The following COLEC11 variants were observed in gnomAD, a reference collection of about 807,000 sequenced individuals.
COLEC11 encodes collectin-11.
A neutral mutation model predicts 27.3 loss-of-function variants in COLEC11; 20 were observed. That is an observed-to-expected ratio of 0.73 (90% CI 0.51 to 1.06). COLEC11 has a LOEUF of 1.06. COLEC11 is among the 50% of genes least tolerant of loss of function. The pLI, the probability that COLEC11 is intolerant of heterozygous loss-of-function variation, is 0.00. For synonymous variants in COLEC11, 163 were observed against 154.7 expected, an observed-to-expected ratio of 1.05 and a Z score of -0.40; for missense variants, 310 against 383.0, an observed-to-expected ratio of 0.81 and a Z score of 1.59.
At chr2:3,638,174 T>A (rs1427708628) in intron 4 of COLEC11, among the ~76,000 whole-genome samples, 2 of 152,218 alleles carry the variant, frequency 1.3e-5, no homozygotes, top group Non-Finnish European at 2.9e-5. Context: ...GGCGGGCAGA[T>A]CAGCTGCGCC....
chr2:3,640,011 T>G (rs1173971080), intron 4 of COLEC11, among the ~76,000 whole-genome samples: 1 of 152,182 alleles, frequency 6.6e-6, no homozygotes, highest in African/African-American at 2.4e-5. Context: ...TGCAGAGTGT[T>G]CTATCAGATA....
chr2:3,643,650 C>T (rs1435935168), intron 6 of COLEC11, 77 bp from the exon 7 acceptor site: 1 of 1,607,738 alleles, frequency 6.2e-7, no homozygotes, highest in African/African-American at 1.3e-5. Context: ...CCTGCCGGCC[C>T]CTGCTGCCTG....
chr2:3,614,502 G>A (rs946464858), intron 3 of COLEC11, among the ~76,000 whole-genome samples: 4 of 151,896 alleles, frequency 2.6e-5, no homozygotes, highest in East Asian at 1.9e-4. Context: ...GCCCTCGCCC[G>A]TACCCCTCAT....
At chr2:3,610,730 G>A (rs1333580424) in intron 2 of COLEC11, among the ~76,000 whole-genome samples, 1 of 152,112 alleles carries the variant, frequency 6.6e-6, no homozygotes, top group Non-Finnish European at 1.5e-5. Context: ...TTCTTACTCT[G>A]TGCCTGGCTA....
intron 1 of COLEC11, among the ~76,000 whole-genome samples, chr2:3,601,607 T>C (rs971039969): frequency 6.6e-6 from 1 of 152,184 alleles, no homozygotes; most frequent in Non-Finnish European, 1.5e-5. Context: ...TTATAGTACC[T>C]TTTTTCCCCC....
chr2:3,596,183 C>T (rs1460587850), intron 1 of COLEC11, among the ~76,000 whole-genome samples: 1 of 151,990 alleles, frequency 6.6e-6, no homozygotes, highest in Non-Finnish European at 1.5e-5. Context: ...GGGCAGTCCC[C>T]AGTGAGAGGA....
chr2:3,629,564 G>A (rs577425288), intron 3 of COLEC11, among the ~76,000 whole-genome samples: 1 of 152,358 alleles, frequency 6.6e-6, no homozygotes, highest in Admixed American at 6.5e-5. Flanking sequence ...ATGTATATAT[G>A]TGCATGCATG....
At chr2:3,610,453 G>T (rs144916856) in intron 2 of COLEC11, among the ~76,000 whole-genome samples, 2 of 152,190 alleles carry the variant, frequency 1.3e-5, no homozygotes, top group African/African-American at 4.8e-5. Flanking sequence ...TTCAGCCAGT[G>T]GGAGAAAGAG....
chr2:3,639,892 T>TCTTGGATTAGATGAGCTCTCAGG (rs1249898292), intron 4 of COLEC11, among the ~76,000 whole-genome samples: 1 of 152,184 alleles, frequency 6.6e-6, no homozygotes, highest in Non-Finnish European at 1.5e-5. Context: ...TGCGTGGCGC[T>TCTTGGATTAGATGAGCTCTCAGG]CCCATCATGC....
At chr2:3,640,012 C>A (rs147316942) in intron 4 of COLEC11, among the ~76,000 whole-genome samples, 11 of 152,294 alleles carry the variant, frequency 7.2e-5, no homozygotes, top group African/African-American at 2.6e-4. Flanking sequence ...GCAGAGTGTT[C>A]TATCAGATAT....
At position 3,644,225 on chromosome 2, in the gene COLEC11, G is replaced by A; in HGVS notation, c.*107G>A. ...CCAGGGAGCTGTCCCTCTGTGAAGG[G>A]TGGAGGCTCACTGAGTAGAGGGCTG... is the stretch of plus-strand genomic sequence containing the variant. On this transcript the variant is annotated 3_prime_UTR_variant, in exon 7 of 7. Transcript: ENST00000349077. 2 of 1,417,460 alleles carry A rather than the reference G, an allele frequency of 1.4e-6. No individual in the cohort carries two copies. Among genetic ancestry groups the A allele is most frequent in the Non-Finnish European group, 2.0e-6 (2 of 1,020,302 alleles). 87.8% of individuals were successfully genotyped at this position (1,417,460 alleles called of 1,614,324 possible). A position where few individuals can be genotyped will look rare whatever the true frequency, so the allele number is the denominator to read the frequency against.
chr2:3,631,432 A>C (rs1344350965), intron 3 of COLEC11, among the ~76,000 whole-genome samples: 2 of 152,130 alleles, frequency 1.3e-5, no homozygotes, highest in African/African-American at 4.8e-5. Context: ...CAAAGTTGGC[A>C]CTGGCTCATC....
chr2:3,626,173 C>T, intron 3 of COLEC11: 1 of 1,166,096 alleles, frequency 8.6e-7, no homozygotes. Context: ...TTCCCATGGC[C>T]ACATGGCTTG....
At chr2:3,610,703 C>A (rs1663120314) in intron 2 of COLEC11, among the ~76,000 whole-genome samples, 1 of 152,180 alleles carries the variant, frequency 6.6e-6, no homozygotes, top group Admixed American at 6.5e-5. Flanking sequence ...CACCTGCTGA[C>A]CCTGTCCTCA....
chr2:3,642,210 G>A (rs574115791), intron 5 of COLEC11, among the ~76,000 whole-genome samples: 16 of 152,220 alleles, frequency 1.1e-4, no homozygotes, highest in Non-Finnish European at 2.2e-4. Context: ...ACAGATACTC[G>A]ATTTTGGAGC....
rs759227834 is a variant in COLEC11 at position 3,602,915 on chromosome 2, CTCTGTCTGTCTCTG to C, written c.-26-1388_-26-1375del. 3.3e-5 allele frequency among the ~76,000 whole-genome samples: 5 copies of C among 152,184 alleles called. No homozygotes were observed. The highest frequency in any genetic ancestry group is 6.5e-5 in the Admixed American group (1 of 15,282). On this transcript the variant is annotated intron_variant, in intron 1 of 6. Transcript: ENST00000349077. This position sits in a 1 kb window ranked among gnomAD's most constrained non-coding sequence, Gnocchi z 6.2. ...TCTTCCCCACGGCGCTTACCCCTGC[CTCTGTCTGTCTCTG>C]TCTGTCTGTCTGTCTGTCTCTTCCA...
intron 3 of COLEC11, among the ~76,000 whole-genome samples, chr2:3,619,842 TC>T (rs1262966099): frequency 9.8e-5 from 15 of 152,298 alleles, no homozygotes; most frequent in African/African-American, 3.4e-4. Flanking sequence ...GCCAGGCTGG[TC>T]TTGAAATCCT....
intron 6 of COLEC11, 25 bp downstream of exon 6, chr2:3,643,564 C>T (rs754821453): frequency 1.0e-5 from 16 of 1,606,152 alleles, no homozygotes; most frequent in Non-Finnish European, 1.2e-5. Flanking sequence ...GCGCCGCCCT[C>T]GCTCCCTCCC....
intron 3 of COLEC11, among the ~76,000 whole-genome samples, chr2:3,634,605 G>C (rs10864992): frequency 0.81 from 122,999 of 152,198 alleles, 49,937 homozygotes; most frequent in East Asian, 0.89. Context: ...TCTCCCTGCT[G>C]TGGCATTTTA....
Sources: gnomAD v4.1 joint callset for allele counts (sites outside exome capture counted in the v4.1 genomes callset) on GRCh38, gnomAD v4.1.1 for gene constraint, Gnocchi (gnomAD v3.1) non-coding constraint, MANE v1.5 for transcripts, NCBI Gene and HGNC (gene_info 2026-07-23, HGNC 2026-07-21) for gene names.